The following POU2AF2 variants were observed in gnomAD, a reference collection of about 807,000 sequenced individuals.
The protein encoded by POU2AF2 is POU domain class 2-associating factor 2.
At chr11:111,279,303 T>G in the POU2AF2 span, among the ~76,000 whole-genome samples, 1 of 152,232 alleles carries the variant, frequency 6.6e-6, no homozygotes, top group Admixed American at 6.5e-5. Flanking sequence ...TATTCTGTTT[T>G]GTCATCAATC....
At chr11:111,274,828 G>C in the POU2AF2 span, among the ~76,000 whole-genome samples, 1 of 151,970 alleles carries the variant, frequency 6.6e-6, no homozygotes, top group Non-Finnish European at 1.5e-5. Context: ...TAAGAAACAG[G>C]CTCTGATATC....
At chr11:111,251,833 T>C in the POU2AF2 span, among the ~76,000 whole-genome samples, 1 of 152,256 alleles carries the variant, frequency 6.6e-6, no homozygotes, top group Non-Finnish European at 1.5e-5. Flanking sequence ...CCCTGTGGCA[T>C]ATAGCCCCGT....
At chr11:111,262,250 T>G in the POU2AF2 span, among the ~76,000 whole-genome samples, 1 of 152,296 alleles carries the variant, frequency 6.6e-6, no homozygotes. Context: ...TGGGAAATTT[T>G]GGGGGAACAG....
At chr11:111,274,616 G>A in the POU2AF2 span, among the ~76,000 whole-genome samples, 3 of 151,080 alleles carry the variant, frequency 2.0e-5, no homozygotes, top group South Asian at 2.1e-4. Flanking sequence ...CAGACAGACA[G>A]ACAGGAAAGC....
the POU2AF2 span, among the ~76,000 whole-genome samples, chr11:111,269,732 C>A: frequency 5.9e-5 from 9 of 152,174 alleles, no homozygotes; most frequent in Non-Finnish European, 1.3e-4. Flanking sequence ...CAAAGGCATG[C>A]CAAGATCCAG....
the POU2AF2 span, among the ~76,000 whole-genome samples, chr11:111,280,054 AAAAATAT>A: frequency 8.8e-5 from 8 of 91,328 alleles, no homozygotes; most frequent in Admixed American, 7.2e-4. Context: ...AAAAAAAAAA[AAAAATAT>A]ATATATATAT....
chr11:111,275,980 C>T, the POU2AF2 span, among the ~76,000 whole-genome samples: 1 of 151,972 alleles, frequency 6.6e-6, no homozygotes, highest in African/African-American at 2.4e-5. Context: ...GAATCACAGA[C>T]ACAGAGAAAA....
chr11:111,264,574 A>AGAGAG, the POU2AF2 span, among the ~76,000 whole-genome samples: 6 of 24,542 alleles, frequency 2.4e-4, no homozygotes, highest in African/African-American at 1.2e-3. Flanking sequence ...GAAAGAAAGA[A>AGAGAG]AGGGAGAGAG....
the POU2AF2 span, among the ~76,000 whole-genome samples, chr11:111,284,537 G>A: frequency 1.3e-5 from 2 of 152,232 alleles, no homozygotes; most frequent in African/African-American, 2.4e-5. Flanking sequence ...GACACCCTCC[G>A]AGGGAGCCTT....
the POU2AF2 span, among the ~76,000 whole-genome samples, chr11:111,268,830 G>C: frequency 2.0e-5 from 3 of 151,988 alleles, no homozygotes; most frequent in Non-Finnish European, 4.4e-5. Flanking sequence ...TTACAGACAT[G>C]AGCCACCGCA....
the POU2AF2 span, among the ~76,000 whole-genome samples, chr11:111,259,364 G>A: frequency 1.0e-4 from 15 of 145,666 alleles, no homozygotes; most frequent in African/African-American, 3.8e-4. Flanking sequence ...CGGCCAGGCT[G>A]GAGTGCAGTG....
chr11:111,249,649 G>A, the POU2AF2 span, among the ~76,000 whole-genome samples: 5 of 152,094 alleles, frequency 3.3e-5, no homozygotes, highest in East Asian at 5.8e-4. Flanking sequence ...TCTTACCTTC[G>A]TTTTCCTCAA....
At chr11:111,285,861 C>A in the POU2AF2 span, 3 of 1,610,058 alleles carry the variant, frequency 1.9e-6, no homozygotes, top group African/African-American at 1.3e-5. Flanking sequence ...CTGCACCACA[C>A]TCCGGGGTAC....
the POU2AF2 span, among the ~76,000 whole-genome samples, chr11:111,259,244 A>G: frequency 6.6e-6 from 1 of 152,000 alleles, no homozygotes; most frequent in Admixed American, 6.5e-5. Context: ...AGAACAAGAG[A>G]AGCGAAGTAA....
chr11:111,256,587 T>C, the POU2AF2 span, among the ~76,000 whole-genome samples: 18 of 152,210 alleles, frequency 1.2e-4, no homozygotes, highest in African/African-American at 2.4e-5. Flanking sequence ...CCTGGGAAAG[T>C]CATTTTACTC....
chr11:111,246,374 A>T, the POU2AF2 span, among the ~76,000 whole-genome samples: 1 of 152,198 alleles, frequency 6.6e-6, no homozygotes, highest in African/African-American at 2.4e-5. Context: ...CTGTTATTTC[A>T]TGAATCTAAC....
At chr11:111,273,879 T>C in the POU2AF2 span, among the ~76,000 whole-genome samples, 4 of 152,208 alleles carry the variant, frequency 2.6e-5, no homozygotes, top group Admixed American at 2.6e-4. Flanking sequence ...TTCATTCAAA[T>C]ATAAACCTCT....
chr11:111,284,244 A>C, the POU2AF2 span: 1 of 1,614,130 alleles, frequency 6.2e-7, no homozygotes, highest in Non-Finnish European at 8.5e-7. Flanking sequence ...CTGGAGCCCT[A>C]CTTCCCCCAG....
At chr11:111,265,379 G>A in the POU2AF2 span, among the ~76,000 whole-genome samples, 1 of 152,030 alleles carries the variant, frequency 6.6e-6, no homozygotes, top group Non-Finnish European at 1.5e-5. Context: ...ATTTCTGTTT[G>A]TTCCTTTCGG....
Sources: gnomAD v4.1 joint callset for allele counts (sites outside exome capture counted in the v4.1 genomes callset) on GRCh38, gnomAD v4.1.1 for gene constraint, MANE v1.5 for transcripts, NCBI Gene and HGNC (gene_info 2026-07-23, HGNC 2026-07-21) for gene names.